The following PRELID2 variants were observed in gnomAD, a reference collection of about 807,000 sequenced individuals.
PRELID2 encodes PRELI domain containing 2, also known as PRELI domain-containing protein 2.
PRELID2 carries 25 observed loss-of-function variants against 28.4 expected under a neutral mutation model. The observed-to-expected ratio is 0.88, with a 90% CI of 0.64 to 1.23. The LOEUF (loss-of-function observed/expected upper bound fraction) is 1.23, where lower values mean the gene tolerates loss of function less well. Ranked by LOEUF, PRELID2 falls within the 50% of genes most tolerant of loss-of-function variation. The probability of loss-of-function intolerance (pLI) is 0.00; values close to 1 mark genes in which losing one functional copy is unlikely to be tolerated. For missense variants in PRELID2, 201 were observed against 214.4 expected, an observed-to-expected ratio of 0.94 and a Z score of 0.39; for synonymous variants, 76 against 71.6, an observed-to-expected ratio of 1.06 and a Z score of -0.31.
At chr5:145,347,420 G>A in the PRELID2 span, among the ~76,000 whole-genome samples, 1 of 152,094 alleles carries the variant, frequency 6.6e-6, no homozygotes, top group African/African-American at 2.4e-5. Context: ...CATTTATATG[G>A]CCTTTTAGAG....
chr5:145,456,805 T>A, the PRELID2 span, among the ~76,000 whole-genome samples: 1 of 152,152 alleles, frequency 6.6e-6, no homozygotes, highest in Non-Finnish European at 1.5e-5. Context: ...AGTAACAATC[T>A]TTTACAGTTT....
chr5:145,675,388 CTT>C (rs1486513923), intron 1 of PRELID2, among the ~76,000 whole-genome samples: 1 of 152,148 alleles, frequency 6.6e-6, no homozygotes, highest in East Asian at 1.9e-4. Flanking sequence ...ATAATCCACT[CTT>C]TTGGCAAGGT....
intron 1 of PRELID2, among the ~76,000 whole-genome samples, chr5:145,516,356 G>C (rs1290523904): frequency 1.3e-5 from 2 of 151,868 alleles, no homozygotes; most frequent in Non-Finnish European, 2.9e-5. Context: ...AAAAGACAGA[G>C]AGCCAAATCA....
the PRELID2 span, among the ~76,000 whole-genome samples, chr5:145,244,193 G>T: frequency 1.3e-5 from 2 of 152,012 alleles, no homozygotes; most frequent in Admixed American, 1.3e-4. Context: ...GACTTCAAGT[G>T]ATCCACCCAC....
At chr5:145,646,121 G>GAGCATTTTCCAACA (rs1581024548) in intron 1 of PRELID2, among the ~76,000 whole-genome samples, 1 of 152,202 alleles carries the variant, frequency 6.6e-6, no homozygotes, top group East Asian at 1.9e-4. Flanking sequence ...ATATCCTGAA[G>GAGCATTTTCCAACA]AGCATTTTCC....
chr5:145,557,015 A>G (rs543262384), intron 1 of PRELID2, among the ~76,000 whole-genome samples: 11 of 152,234 alleles, frequency 7.2e-5, no homozygotes, highest in African/African-American at 2.4e-4. Context: ...ACTTACCACG[A>G]TTGCAACTTT....
intron 1 of PRELID2, among the ~76,000 whole-genome samples, chr5:145,623,158 C>G (rs558242580): frequency 1.3e-5 from 2 of 151,658 alleles, no homozygotes; most frequent in South Asian, 4.2e-4. Context: ...CTCATTTAAA[C>G]TAAAGCCACA....
chr5:145,585,648 C>A (rs1753147185), intron 1 of PRELID2, among the ~76,000 whole-genome samples: 1 of 152,082 alleles, frequency 6.6e-6, no homozygotes, highest in Non-Finnish European at 1.5e-5. Context: ...TAATGCCAAG[C>A]ACATACTAAA....
chr5:145,650,861 C>G (rs982071113), intron 1 of PRELID2, among the ~76,000 whole-genome samples: 1 of 152,042 alleles, frequency 6.6e-6, no homozygotes, highest in African/African-American at 2.4e-5. Flanking sequence ...TTCTGCATTT[C>G]CAACTGAGGT....
At chr5:145,536,731 C>A (rs1228127358) in intron 1 of PRELID2, among the ~76,000 whole-genome samples, 1 of 151,656 alleles carries the variant, frequency 6.6e-6, no homozygotes, top group Non-Finnish European at 1.5e-5. Flanking sequence ...GGTTTTAAGG[C>A]CCATGTGAAA....
chr5:145,613,574 C>A (rs1332299227), intron 1 of PRELID2, among the ~76,000 whole-genome samples: 1 of 151,622 alleles, frequency 6.6e-6, no homozygotes, highest in African/African-American at 2.4e-5. Context: ...AAAACAAACA[C>A]CGCATGTTCT....
the PRELID2 span, among the ~76,000 whole-genome samples, chr5:145,298,713 C>G: frequency 2.0e-5 from 3 of 152,108 alleles, no homozygotes; most frequent in Non-Finnish European, 4.4e-5. Flanking sequence ...GCCTCCAGAA[C>G]TGTGAGCCAA....
At chr5:145,794,216 G>A (rs753970009) in intron 5 of PRELID2, among the ~76,000 whole-genome samples, 1 of 152,114 alleles carries the variant, frequency 6.6e-6, no homozygotes, top group Admixed American at 6.6e-5. Context: ...ACAGACAAGA[G>A]CTGAAGAAGG....
At chr5:145,535,744 C>T (rs977685589) in intron 1 of PRELID2, among the ~76,000 whole-genome samples, 2 of 151,884 alleles carry the variant, frequency 1.3e-5, no homozygotes, top group African/African-American at 4.8e-5. Context: ...AGCCAATCAT[C>T]CTCATCCATT....
At chr5:145,542,515 G>A (rs1367295038) in intron 1 of PRELID2, among the ~76,000 whole-genome samples, 1 of 151,778 alleles carries the variant, frequency 6.6e-6, no homozygotes, top group Non-Finnish European at 1.5e-5. Flanking sequence ...TTCACTATTG[G>A]GAGAAAAAAA....
rs200038450 is a variant in PRELID2, at chr5:145,649,036, T to C, written n.70+115895A>G. On this transcript the variant is annotated intron_variant and non_coding_transcript_variant, in intron 1 of 2. Transcript: ENST00000510259. ...CAGTACAATCAGGCCTCCAAATCCA[T>C]AGGTTTCCATATTTTTGCATTCAAT... 4.1e-4 allele frequency among the ~76,000 whole-genome samples: 62 copies of C among 152,182 alleles called. No individual in the cohort carries two copies. The East Asian group carries it at 4.2e-3, about 10-fold the overall frequency.
chr5:145,629,216 G>T (rs903617749), intron 1 of PRELID2, among the ~76,000 whole-genome samples: 1 of 152,152 alleles, frequency 6.6e-6, no homozygotes, highest in Non-Finnish European at 1.5e-5. Flanking sequence ...GGGCCCTACA[G>T]GTCCTTGAAA....
the PRELID2 span, among the ~76,000 whole-genome samples, chr5:145,333,423 A>G: frequency 6.6e-6 from 1 of 152,130 alleles, no homozygotes; most frequent in Non-Finnish European, 1.5e-5. Flanking sequence ...TTTTATCTAT[A>G]AGCCCCTGAC....
the PRELID2 span, among the ~76,000 whole-genome samples, chr5:145,349,596 C>T: frequency 6.6e-6 from 1 of 152,016 alleles, no homozygotes; most frequent in Non-Finnish European, 1.5e-5. Context: ...ATATTATCTT[C>T]CCACTCCACA....
Sources: allele counts gnomAD v4.1 joint callset (sites outside exome capture counted in the v4.1 genomes callset), GRCh38; gene constraint gnomAD v4.1.1; transcripts MANE v1.5; gene names NCBI Gene and HGNC (gene_info 2026-07-23, HGNC 2026-07-21).